The following MAP2 variants were observed in gnomAD, a reference collection of about 807,000 sequenced individuals.
MAP2 encodes the protein microtubule-associated protein 2.
A neutral mutation model predicts 137.6 loss-of-function variants in MAP2; 14 were observed. The ratio of observed to expected loss-of-function variants is 0.10; its 90% CI spans 0.07 to 0.16. The LOEUF (loss-of-function observed/expected upper bound fraction) is 0.16, where lower values mean the gene tolerates loss of function less well. Among genes scored for constraint, MAP2 ranks in the 10% least tolerant of loss-of-function variants. MAP2 has a pLI of 1.00. For missense variants in MAP2, 2,088 were observed against 2,191.5 expected, an observed-to-expected ratio of 0.95 and a Z score of 0.94; for synonymous variants, 786 against 782.3, an observed-to-expected ratio of 1.00 and a Z score of -0.08.
At chr2:209,567,291 A>T (rs2073648244) in intron 2 of MAP2, among the ~76,000 whole-genome samples, 2 of 152,162 alleles carry the variant, frequency 1.3e-5, no homozygotes, top group South Asian at 4.1e-4. Context: ...CCCCTAACTA[A>T]CATAAAACCA....
chr2:209,443,897 T>C (rs1268295170), intron 1 of MAP2, among the ~76,000 whole-genome samples: 1 of 151,650 alleles, frequency 6.6e-6, no homozygotes, highest in Non-Finnish European at 1.5e-5. Flanking sequence ...CAGAGGAGGC[T>C]ACCATGGGGC....
intron 13 of MAP2, among the ~76,000 whole-genome samples, chr2:209,712,855 G>A (rs971520056): frequency 1.3e-4 from 20 of 152,014 alleles, no homozygotes; most frequent in African/African-American, 3.4e-4. Context: ...TTAGATGATC[G>A]AGCATCTATA....
chr2:209,481,844 T>C (rs1199594040), intron 1 of MAP2, among the ~76,000 whole-genome samples: 2 of 152,222 alleles, frequency 1.3e-5, no homozygotes, highest in African/African-American at 4.8e-5. Context: ...TTATTGAGCA[T>C]GTATTAGCTC....
chr2:209,729,305 A>G (rs1446939710), intron 14 of MAP2, among the ~76,000 whole-genome samples: 1 of 152,226 alleles, frequency 6.6e-6, no homozygotes. Context: ...CTAGTCATAA[A>G]CAACTTACCT....
At chr2:209,604,237 T>TA (rs1358115281) in intron 3 of MAP2, among the ~76,000 whole-genome samples, 1 of 152,160 alleles carries the variant, frequency 6.6e-6, no homozygotes, top group Non-Finnish European at 1.5e-5. Flanking sequence ...TCCAAGTAGT[T>TA]ACTGAGGTGT....
intron 2 of MAP2, among the ~76,000 whole-genome samples, chr2:209,560,863 C>T (rs2071885129): frequency 6.6e-6 from 1 of 151,950 alleles, no homozygotes; most frequent in Admixed American, 6.5e-5. Flanking sequence ...TCACTTTATA[C>T]TCTCAAATTA....
At chr2:209,648,047 C>T (rs911556205) in intron 4 of MAP2, among the ~76,000 whole-genome samples, 4 of 150,812 alleles carry the variant, frequency 2.7e-5, no homozygotes, top group African/African-American at 9.8e-5. Context: ...AGTCATAATA[C>T]AATAAAGTCA....
In MAP2 at chr2:209,532,634, G is replaced by A. The variant is rs148299984; in HGVS notation, c.-172+24993G>A. On this transcript the variant is annotated intron_variant, in intron 2 of 15. Coordinates refer to ENST00000682079, the MANE Select transcript of MAP2 (RefSeq NM_001375505.1). ...CCTAATCTCACAGATTCCTAAATGT[G>A]GAACTGGCCGTGTTTCGATGACCCT... Among the ~76,000 whole-genome samples the A allele has an allele frequency of 4.8e-3, 733 of 152,178 alleles. 6 individuals carry two copies. The highest frequency in any genetic ancestry group is 0.017 in the African/African-American group (692 of 41,518).
In MAP2 at chr2:209,561,022, C is replaced by A. The variant is rs529525623; in HGVS notation, c.-171-19014C>A. Among the ~76,000 whole-genome samples the A allele has an allele frequency of 1.4e-4, 21 of 152,186 alleles. No individual in the cohort carries two copies. In the South Asian group the frequency reaches 3.7e-3, roughly 27 times the overall value. On this transcript the variant is annotated intron_variant, in intron 2 of 15. Transcript: ENST00000682079. ...CCCAGATGACCAGAAAACAATAATT[C>A]TTTTCTTTATATCTTCATCTGGACT...
chr2:209,513,292 C>T (rs571874686), intron 2 of MAP2, among the ~76,000 whole-genome samples: 33 of 152,104 alleles, frequency 2.2e-4, no homozygotes, highest in Admixed American at 5.9e-4. Flanking sequence ...TCACACATTT[C>T]TTATAGACTT....
rs2065025694 is a variant in MAP2, at chr2:209,710,400, T to TAGGA, written c.5073+149_5073+152dup. ...ATTGCTAAGAGTTTGGACTTTACAT[T>TAGGA]AGGAAGATAGCCTCTGAAATACAAC... On this transcript the variant is annotated intron_variant, in intron 13 of 15. Transcript: ENST00000682079. The TAGGA allele has an allele frequency of 4.5e-5, 31 of 682,268 alleles. No homozygotes were observed. In the East Asian group the frequency reaches 8.5e-4, roughly 19 times the overall value. The allele number at this position is 682,268 out of a possible 1,614,324, so 42.3% of individuals were successfully genotyped here.
intron 3 of MAP2, among the ~76,000 whole-genome samples, chr2:209,591,388 A>T (rs1297739170): frequency 6.6e-6 from 1 of 152,196 alleles, no homozygotes. Flanking sequence ...GCTCACAATG[A>T]CAATAATGCC....
intron 2 of MAP2, among the ~76,000 whole-genome samples, chr2:209,518,685 C>G (rs1299683536): frequency 6.6e-6 from 1 of 151,888 alleles, no homozygotes; most frequent in Admixed American, 6.6e-5. Context: ...TGAGATTTTT[C>G]ATTCTCTCTT....
At position 209,495,339 on chromosome 2, in the gene MAP2, G is replaced by C. The variant is rs187896428; in HGVS notation, c.-221-12253G>C. Among the ~76,000 whole-genome samples the C allele has an allele frequency of 1.1e-3, 168 of 152,354 alleles. No homozygotes were observed. The Middle Eastern group carries it at 0.014, about 12-fold the overall frequency. On this transcript the variant is annotated intron_variant, in intron 1 of 15. Transcript: ENST00000682079. ...CAGCACAGTGCTCGAGCTCTGCTAAGGGACAGACTGCCTCCTCAAATGAGC... is the reference window on the plus strand; with the variant it reads ...CAGCACAGTGCTCGAGCTCTGCTAACGGACAGACTGCCTCCTCAAATGAGC...
At chr2:209,594,330 G>C (rs897110383) in intron 3 of MAP2, among the ~76,000 whole-genome samples, 3 of 151,984 alleles carry the variant, frequency 2.0e-5, no homozygotes, top group East Asian at 1.9e-4. Flanking sequence ...GAAGACGAAG[G>C]CTTCAAGGGT....
intron 3 of MAP2, among the ~76,000 whole-genome samples, chr2:209,617,671 G>T (rs2089948891): frequency 6.6e-6 from 1 of 151,962 alleles, no homozygotes; most frequent in Non-Finnish European, 1.5e-5. Context: ...AGTCCTGTTG[G>T]ATTAGAGCCC....
At chr2:209,501,269 T>C (rs1413444356) in intron 1 of MAP2, among the ~76,000 whole-genome samples, 1 of 152,190 alleles carries the variant, frequency 6.6e-6, no homozygotes, top group Non-Finnish European at 1.5e-5. Context: ...ATAAAAATTG[T>C]GAATTTTCAG....
In MAP2 at chr2:209,705,674, A is replaced by G. The variant is rs762296068; in HGVS notation, c.4679A>G (p.Glu1560Gly). The stretch of plus-strand genomic sequence containing the variant: ...CGAGGTGTGTCAGGAGACAGAGATG[A>G]GAATTCCTTCTCTCTCAACAGTTCT... ...PRRGVSGDRD[E>G]NSFSLNSSIS... Residue 1560 changes from glutamate (E) to glycine (G), a missense_variant, in exon 12 of 16, where the codon GAG becomes GGG. Physicochemically the swap from Glu to Gly is moderately conservative, Grantham distance 98. Around this residue, in one of 6 missense-constraint regions of MAP2, gnomAD observed 591 missense variants for 642.6 expected, o/e 0.92. Transcript: ENST00000682079. 3 of 1,612,936 alleles carry G rather than the reference A, an allele frequency of 1.9e-6. No individual in the cohort carries two copies. In the East Asian group the frequency reaches 6.7e-5, roughly 36 times the overall value.
intron 1 of MAP2, among the ~76,000 whole-genome samples, chr2:209,429,434 G>A (rs1390688650): frequency 6.6e-6 from 1 of 151,256 alleles, no homozygotes; most frequent in Non-Finnish European, 1.5e-5. Context: ...GCAGTCCATT[G>A]TCTTTATGTT....
Sources: allele counts gnomAD v4.1 joint callset (sites outside exome capture counted in the v4.1 genomes callset), GRCh38; gene constraint gnomAD v4.1.1; regional missense constraint gnomAD v4.1.1; transcripts MANE v1.5; gene names NCBI Gene and HGNC (gene_info 2026-07-23, HGNC 2026-07-21).